The following PPP3R1 variants were observed in gnomAD, a reference collection of about 807,000 sequenced individuals.
PPP3R1 encodes the protein calcineurin subunit B type 1.
In PPP3R1, 5 loss-of-function variants were observed where a neutral mutation model predicts 22.6. The observed-to-expected ratio is 0.22, with a 90% CI of 0.12 to 0.46. The LOEUF (loss-of-function observed/expected upper bound fraction) is 0.46. PPP3R1 is among the 20% of genes least tolerant of loss of function. PPP3R1 has a pLI of 0.99. For missense variants in PPP3R1, 61 were observed against 203.2 expected, an observed-to-expected ratio of 0.30 and a Z score of 4.25; for synonymous variants, 56 against 65.2, an observed-to-expected ratio of 0.86 and a Z score of 0.68.
intron 5 of PPP3R1, among the ~76,000 whole-genome samples, chr2:68,183,915 GGAGATAA>G (rs1393322913): frequency 6.6e-6 from 1 of 152,068 alleles, no homozygotes; most frequent in Non-Finnish European, 1.5e-5. Context: ...ATTTCTTTGG[GGAGATAA>G]GATTTCCTAA....
At chr2:68,227,519 C>T (rs562319954) in intron 1 of PPP3R1, among the ~76,000 whole-genome samples, 47 of 150,304 alleles carry the variant, frequency 3.1e-4, no homozygotes, top group African/African-American at 1.1e-3. Context: ...AAGACAGAAA[C>T]AAGAGATAAA....
chr2:68,247,618 G>A (rs1246262903), intron 1 of PPP3R1, among the ~76,000 whole-genome samples: 1 of 152,204 alleles, frequency 6.6e-6, no homozygotes, highest in Non-Finnish European at 1.5e-5. Flanking sequence ...CAGCAAACTG[G>A]AAGTTTCTCG....
At chr2:68,234,976 A>C (rs1412476454) in intron 1 of PPP3R1, among the ~76,000 whole-genome samples, 1 of 152,214 alleles carries the variant, frequency 6.6e-6, no homozygotes, top group Non-Finnish European at 1.5e-5. Context: ...TGGTCAACAA[A>C]CACTAAGGCT....
rs13401005 is a variant in PPP3R1 at position 68,197,101 on chromosome 2, T to C, written c.44-8411A>G. Among the ~76,000 whole-genome samples, 532 of 152,326 alleles carry C rather than the reference T, an allele frequency of 3.5e-3. 3 individuals are homozygous for C. Among genetic ancestry groups the C allele is most frequent in the African/African-American group, 0.012 (514 of 41,574 alleles). On this transcript the variant is annotated intron_variant, in intron 2 of 5. Transcript: ENST00000234310. ...TGATGCATTATTAAGTATATGGTTA[T>C]ATAAGTTTTGACAAATGCATATACC...
At position 68,180,747 on chromosome 2, in the gene PPP3R1, G is replaced by T; in HGVS notation, c.*216C>A. ...CACATTGATATGCTCTTTTCATGTT[G>T]CTGTCCTTCAGACTTTAAAGTGCTA... On this transcript the variant is annotated 3_prime_UTR_variant, in exon 6 of 6. Coordinates refer to ENST00000234310, the MANE Select transcript of PPP3R1 (RefSeq NM_000945.4). The T allele has an allele frequency of 4.1e-6, 2 of 492,318 alleles. No individual in the cohort carries two copies. Among genetic ancestry groups the T allele is most frequent in the Non-Finnish European group, 7.2e-6 (2 of 277,356 alleles). The allele number at this position is 492,318 out of a possible 1,614,324, so 30.5% of individuals were successfully genotyped here.
chr2:68,246,594 G>T (rs1670241229), intron 1 of PPP3R1, among the ~76,000 whole-genome samples: 1 of 152,196 alleles, frequency 6.6e-6, no homozygotes, highest in South Asian at 2.1e-4. Context: ...CTTGATCTCT[G>T]CAGTATCTAT....
intron 2 of PPP3R1, among the ~76,000 whole-genome samples, chr2:68,205,307 A>G (rs572855739): frequency 1.4e-5 from 2 of 147,382 alleles, no homozygotes; most frequent in Non-Finnish European, 3.0e-5. Flanking sequence ...CAATGGCGCA[A>G]TCTCAGCTCA....
At chr2:68,233,665 A>T (rs933097025) in intron 1 of PPP3R1, among the ~76,000 whole-genome samples, 6 of 152,284 alleles carry the variant, frequency 3.9e-5, no homozygotes, top group African/African-American at 1.4e-4. Flanking sequence ...AAACAAAAAA[A>T]ATCTGATAGC....
intron 2 of PPP3R1, among the ~76,000 whole-genome samples, chr2:68,203,129 G>C (rs1312528883): frequency 1.3e-5 from 2 of 152,130 alleles, no homozygotes; most frequent in East Asian, 3.8e-4. Context: ...GTAATTCTCA[G>C]TGACTAGGTG....
intron 1 of PPP3R1, among the ~76,000 whole-genome samples, chr2:68,226,563 T>C (rs1669784071): frequency 6.6e-6 from 1 of 152,162 alleles, no homozygotes; most frequent in Non-Finnish European, 1.5e-5. Flanking sequence ...TCCAGATTAA[T>C]CTTACAGAAT....
At chr2:68,192,227 ATTAG>A (rs955861551) in intron 2 of PPP3R1, among the ~76,000 whole-genome samples, 12 of 152,134 alleles carry the variant, frequency 7.9e-5, no homozygotes, top group South Asian at 6.2e-4. Flanking sequence ...TATACCAAGG[ATTAG>A]TTAATTATTT....
intron 2 of PPP3R1, among the ~76,000 whole-genome samples, chr2:68,210,995 C>T (rs1312313737): frequency 6.6e-6 from 1 of 152,082 alleles, no homozygotes; most frequent in Non-Finnish European, 1.5e-5. Flanking sequence ...ATAAAGCGAA[C>T]TACATGAATT....
At chr2:68,236,545 A>T (rs1670023514) in intron 1 of PPP3R1, among the ~76,000 whole-genome samples, 1 of 152,176 alleles carries the variant, frequency 6.6e-6, no homozygotes, top group Non-Finnish European at 1.5e-5. Flanking sequence ...TACAGTAACT[A>T]GACAAAATTT....
chr2:68,237,833 G>A (rs1156321879), intron 1 of PPP3R1, among the ~76,000 whole-genome samples: 1 of 151,948 alleles, frequency 6.6e-6, no homozygotes, highest in African/African-American at 2.4e-5. Flanking sequence ...CACTTTATTA[G>A]CTGTTCTAGA....
Position 68,179,338 on chromosome 2 carries a change from T to C in PPP3R1, c.*1625A>G, listed in dbSNP as rs1674355100. ...GTTTGGCAACATTATCTTTTAAAAT[T>C]ATGCAAATTATGTAAACAAGAGGTA... On this transcript the variant is annotated 3_prime_UTR_variant, in exon 6 of 6. Coordinates refer to ENST00000234310, the MANE Select transcript of PPP3R1 (RefSeq NM_000945.4). 6.6e-6 allele frequency: 1 copy of C among 152,322 alleles called. No homozygotes were observed. The highest frequency in any genetic ancestry group is 2.4e-5 in the African/African-American group (1 of 41,146). 9.4% of individuals were successfully genotyped at this position (152,322 alleles called of 1,614,324 possible). A position where few individuals can be genotyped will look rare whatever the true frequency, so the allele number is the denominator to read the frequency against.
chr2:68,189,588 C>T (rs940217870), intron 2 of PPP3R1, among the ~76,000 whole-genome samples: 1 of 152,094 alleles, frequency 6.6e-6, no homozygotes, highest in Non-Finnish European at 1.5e-5. Flanking sequence ...ATACAACGGG[C>T]CAGGCGCAAT....
chr2:68,198,598 G>T (rs1190154750), intron 2 of PPP3R1, among the ~76,000 whole-genome samples: 2 of 151,654 alleles, frequency 1.3e-5, no homozygotes, highest in Non-Finnish European at 2.9e-5. Context: ...ATGTTTTATG[G>T]TAAATCTTTA....
chr2:68,207,644 G>A (rs1052535011), intron 2 of PPP3R1, among the ~76,000 whole-genome samples: 1 of 152,164 alleles, frequency 6.6e-6, no homozygotes, highest in Non-Finnish European at 1.5e-5. Context: ...CTTTGACTGA[G>A]AAATAAAAAA....
At chr2:68,186,324 AAC>A in intron 5 of PPP3R1, 142 bp downstream of exon 5, 1 of 710,918 alleles carries the variant, frequency 1.4e-6, no homozygotes, top group Non-Finnish European at 2.3e-6. Flanking sequence ...TACAATGAAG[AAC>A]ACATTTCAAA....
Sources: allele counts gnomAD v4.1 joint callset (sites outside exome capture counted in the v4.1 genomes callset), GRCh38; gene constraint gnomAD v4.1.1; transcripts MANE v1.5; gene names NCBI Gene and HGNC (gene_info 2026-07-23, HGNC 2026-07-21).